CCDC71: variants seen among roughly 807,000 people sequenced by gnomAD.
CCDC71 encodes coiled-coil domain-containing protein 71.
For synonymous variants in CCDC71, 257 were observed against 242.2 expected (o/e 1.06, Z -0.57); for missense variants, 594 against 604.0 (o/e 0.98, Z 0.17).
chr3:49,163,709 G>A lies in CCDC71; in HGVS notation c.500C>T (p.Pro167Leu). Residue 167 changes from proline (P) to leucine (L), a missense_variant, in exon 2 of 2, where the codon CCA becomes CTA. Pro to Leu is a moderately conservative substitution (Grantham distance 98). Coordinates refer to ENST00000321895, the MANE Select transcript of CCDC71 (RefSeq NM_022903.4). ...AAVGFPTHLY[P>L]GVYPAMRLSV... ...GAGCCGCATGGCAGGGTAGACACCT[G>A]GATAAAGGTGGGTGGGGAAGCCCAC... 1 of 1,614,088 alleles carries A rather than the reference G, an allele frequency of 6.2e-7. No individual in the cohort carries two copies. Among genetic ancestry groups the A allele is most frequent in the Non-Finnish European group, 8.5e-7 (1 of 1,180,026 alleles).
chr3:49,163,298 G>A lies in CCDC71; in HGVS notation c.911C>T (p.Ala304Val), dbSNP rs758735503. The A allele has an allele frequency of 1.2e-6, 2 of 1,613,846 alleles. No individual in the cohort carries two copies. The highest frequency in any genetic ancestry group is 1.1e-5 in the South Asian group (1 of 91,074). ...RAQAKVARTQ[A>V]KAAKARAKAK... ...CTTGGCCCGGGCCTTAGCAGCCTTGGCCTGTGTTCGAGCCACCTTGGCTTG... is the reference window on the plus strand; with the variant it reads ...CTTGGCCCGGGCCTTAGCAGCCTTGACCTGTGTTCGAGCCACCTTGGCTTG... The change falls in exon 2 of 2, where the codon GCC (alanine) becomes GTC (valine). Residue 304 changes from alanine to valine, a missense_variant. Transcript: ENST00000321895.
chr3:49,165,424 C>T (rs1369193186), intron 1 of CCDC71, among the ~76,000 whole-genome samples: 1 of 152,230 alleles, frequency 6.6e-6, no homozygotes, highest in African/African-American at 2.4e-5. Flanking sequence ...ACTGAGGGTT[C>T]CCAGAAGCAA....
In CCDC71 at chr3:49,162,770, G is replaced by A; in HGVS notation, c.*35C>T. The stretch of plus-strand genomic sequence containing the variant: ...GTGCCACTAGCCACACAGACAGCTG[G>A]GCTTAGTTTCCCCAAACATTGCCGT... On this transcript the variant is annotated 3_prime_UTR_variant, in exon 2 of 2. Coordinates refer to ENST00000321895, the MANE Select transcript of CCDC71 (RefSeq NM_022903.4). The A allele has an allele frequency of 6.3e-7, 1 of 1,593,474 alleles. No individual in the cohort carries two copies. Among genetic ancestry groups the A allele is most frequent in the Non-Finnish European group, 8.6e-7 (1 of 1,168,114 alleles).
At position 49,162,690 on chromosome 3, in the gene CCDC71, C is replaced by G; in HGVS notation, c.*115G>C. On this transcript the variant is annotated 3_prime_UTR_variant, in exon 2 of 2. Coordinates refer to ENST00000321895, the MANE Select transcript of CCDC71 (RefSeq NM_022903.4). The stretch of plus-strand genomic sequence containing the variant: ...AAAGGAGGCTGGTGGTCACCAGGGC[C>G]CTAGAGAGGCACCGGGAGTCCTCAA... The G allele has an allele frequency of 1.2e-6, 1 of 869,018 alleles. No individual in the cohort carries two copies. 53.8% of individuals were successfully genotyped at this position (869,018 alleles called of 1,614,324 possible). A position where few individuals can be genotyped will look rare whatever the true frequency, so the allele number is the denominator to read the frequency against.
In CCDC71 at chr3:49,163,243, GGCCTTAGCCTTGACCTGTGCT is replaced by G. The variant is rs768066353; in HGVS notation, c.945_965del (p.Ala316_Ala322del). 6.4e-7 allele frequency: 1 copy of G among 1,571,428 alleles called. No individual in the cohort carries two copies. The highest frequency in any genetic ancestry group is 1.1e-5 in the South Asian group (1 of 87,800). On this transcript the variant is annotated inframe_deletion, in exon 2 of 2. Transcript: ENST00000321895. ...CCTTGACCTGTGCTGCCTTAGCTTT[GGCCTTAGCCTTGACCTGTGCT>G]GCCTTGGCCTTGGCCCGGGCCTTAG...
chr3:49,163,252 C>T lies in CCDC71; in HGVS notation c.957G>A (p.Lys319=). Residue 319 remains lysine (K), a synonymous_variant, in exon 2 of 2, where the codon AAG becomes AAA. Transcript: ENST00000321895. ...ARAKAKAAQV[K]AKAKAKAAQV... is the part of the protein sequence containing the mutation. ...GTGCTGCCTTAGCTTTGGCCTTAGCCTTGACCTGTGCTGCCTTGGCCTTGG... is the reference window on the plus strand; with the variant it reads ...GTGCTGCCTTAGCTTTGGCCTTAGCTTTGACCTGTGCTGCCTTGGCCTTGG... 1 of 1,574,332 alleles carries T rather than the reference C, an allele frequency of 6.4e-7. No homozygotes were observed. Among genetic ancestry groups the T allele is most frequent in the Non-Finnish European group, 8.7e-7 (1 of 1,150,322 alleles).
Position 49,166,126 on chromosome 3 carries a change from G to T in CCDC71, c.-53+141C>A, listed in dbSNP as rs1185099507. 9 of 120,660 alleles carry T rather than the reference G, an allele frequency of 7.5e-5. No homozygotes were observed. Among genetic ancestry groups the T allele is most frequent in the African/African-American group, 2.3e-4 (8 of 34,564 alleles). 7.5% of individuals were successfully genotyped at this position (120,660 alleles called of 1,614,324 possible). A position where few individuals can be genotyped will look rare whatever the true frequency, so the allele number is the denominator to read the frequency against. On this transcript the variant is annotated intron_variant, in intron 1 of 1. Coordinates refer to ENST00000321895, the MANE Select transcript of CCDC71 (RefSeq NM_022903.4). The surrounding 1 kb of genome is among the most constrained non-coding windows in gnomAD (Gnocchi z 4.0). The stretch of plus-strand genomic sequence containing the variant: ...CAGCCCCAGGGTGGGGTCGCTGGGC[G>T]CGGGGTGGGGGTGGGGTGGGGGGTC...
chr3:49,165,620 G>A (rs2045718708), intron 1 of CCDC71, among the ~76,000 whole-genome samples: 1 of 152,274 alleles, frequency 6.6e-6, no homozygotes, highest in South Asian at 2.1e-4. Context: ...ATCCTCAGGT[G>A]TCTTGGGCAC....
Position 49,163,225 on chromosome 3 carries a change from C to G in CCDC71, c.984G>C (p.Gln328His). ...CCATGACTTTGGCCTTGGCCTTGAC[C>G]TGTGCTGCCTTAGCTTTGGCCTTAG... ...VKAKAKAKAA[Q>H]VKAKAKVMAA... The change falls in exon 2 of 2, where the codon CAG (glutamine) becomes CAC (histidine). Residue 328 changes from glutamine to histidine, a missense_variant. By Grantham distance (24) the Gln-to-His change is conservative. Coordinates refer to ENST00000321895, the MANE Select transcript of CCDC71 (RefSeq NM_022903.4). The G allele has an allele frequency of 6.4e-7, 1 of 1,572,230 alleles. No individual in the cohort carries two copies. Among genetic ancestry groups the G allele is most frequent in the South Asian group, 1.1e-5 (1 of 87,916 alleles).
At chr3:49,165,875 C>A (rs959552033) in intron 1 of CCDC71, among the ~76,000 whole-genome samples, 6 of 152,222 alleles carry the variant, frequency 3.9e-5, no homozygotes, top group African/African-American at 1.4e-4. Flanking sequence ...GAAACAGAGG[C>A]TCCTGCCCGG....
chr3:49,163,511 C>T lies in CCDC71; in HGVS notation c.698G>A (p.Ser233Asn), dbSNP rs768087313. The T allele has an allele frequency of 1.2e-6, 2 of 1,614,234 alleles. No homozygotes were observed. The highest frequency in any genetic ancestry group is 1.1e-5 in the South Asian group (1 of 91,080). ...PRPKAPRKTT[S>N]KGPKCLTRKG... ...GCGAGTCAGACACTTGGGGCCCTTG[C>T]TTGTGGTTTTTCTGGGAGCTTTGGG... Residue 233 changes from serine to asparagine, a missense_variant, in exon 2 of 2, where the codon AGC (serine) becomes AAC (asparagine). Ser to Asn is a conservative substitution (Grantham distance 46). Coordinates refer to ENST00000321895, the MANE Select transcript of CCDC71 (RefSeq NM_022903.4).
In CCDC71 at chr3:49,162,956, G is replaced by A; in HGVS notation, c.1253C>T (p.Pro418Leu). The change falls in exon 2 of 2, where the codon CCT becomes CTT. Residue 418 changes from proline to leucine, a missense_variant. Pro to Leu is a moderately conservative substitution (Grantham distance 98). Transcript: ENST00000321895. The part of the protein sequence containing the change: ...GPRSPKAWLG[P>L]GTAKLLKFRA... ...GAACTTCAGCAGCTTTGCTGTTCCA[G>A]GCCCTAGCCATGCCTTAGGAGATCG... is the stretch of plus-strand genomic sequence containing the variant. 2.5e-6 allele frequency: 4 copies of A among 1,614,262 alleles called. No homozygotes were observed. In the South Asian group the frequency reaches 4.4e-5, roughly 18 times the overall value.
In CCDC71 at chr3:49,163,624, C is replaced by G; in HGVS notation, c.585G>C (p.Lys195Asn). 1 of 1,614,158 alleles carries G rather than the reference C, an allele frequency of 6.2e-7. No individual in the cohort carries two copies. The highest frequency in any genetic ancestry group is 8.5e-7 in the Non-Finnish European group (1 of 1,180,042). The change falls in exon 2 of 2, where the codon AAG (lysine) becomes AAC (asparagine). Residue 195 changes from lysine (K) to asparagine (N), a missense_variant. Physicochemically the swap from Lys to Asn is moderately conservative, Grantham distance 94. Coordinates refer to ENST00000321895, the MANE Select transcript of CCDC71 (RefSeq NM_022903.4). ...AGAGCTGCAGTGACTGTGCCTTGTG[C>G]TTGGCACCCAAGCAGGGCATGGGAG... ...LKTPMPCLGA[K>N]HKAQSLQLSL...
Position 49,163,503 on chromosome 3 carries a change from G to A in CCDC71, c.706C>T (p.Pro236Ser), listed in dbSNP as rs745679306. Reference protein sequence around the residue: ...KAPRKTTSKGPKCLTRKGPGA... With the variant: ...KAPRKTTSKGSKCLTRKGPGA... ...GGGCCTTTGCGAGTCAGACACTTGGGGCCCTTGCTTGTGGTTTTTCTGGGA... is the reference window on the plus strand; with the variant it reads ...GGGCCTTTGCGAGTCAGACACTTGGAGCCCTTGCTTGTGGTTTTTCTGGGA... Residue 236 changes from proline (P) to serine (S), a missense_variant, in exon 2 of 2, where the codon CCC becomes TCC. Coordinates refer to ENST00000321895, the MANE Select transcript of CCDC71 (RefSeq NM_022903.4). 6 of 1,614,220 alleles carry A rather than the reference G, an allele frequency of 3.7e-6. No homozygotes were observed. The highest frequency in any genetic ancestry group is 5.1e-6 in the Non-Finnish European group (6 of 1,180,034).
chr3:49,164,369 C>T, intron 1 of CCDC71, 109 bp from the exon 2 acceptor site: 1 of 677,950 alleles, frequency 1.5e-6, no homozygotes, highest in Admixed American at 2.9e-5. Flanking sequence ...AGGAATCTGG[C>T]CAGAGTGAGA....
Position 49,164,065 on chromosome 3 carries a change from A to G in CCDC71, c.144T>C (p.Leu48=). Residue 48 remains leucine (L), a synonymous_variant, in exon 2 of 2, where the codon CTT becomes CTC. Transcript: ENST00000321895. ...CTCGCAGGCCCTGCAGGAAGGCCAC[A>G]AGCTGGGCCTCTGTGGCACTGAGAT... ...SQDLSATEAQ[L]VAFLQGLRDD... is the part of the protein sequence containing the mutation. The G allele has an allele frequency of 6.2e-7, 1 of 1,614,126 alleles. No individual in the cohort carries two copies. Among genetic ancestry groups the G allele is most frequent in the Non-Finnish European group, 8.5e-7 (1 of 1,180,026 alleles).
rs1338989804 is a variant in CCDC71, at chr3:49,166,245, T to G, written c.-53+22A>C. ...GCGGGCCGCCCCTCCGCGGCGCGGCTAGGCCCGCGGCTCCAACCTACCGGC... is the reference window on the plus strand; with the variant it reads ...GCGGGCCGCCCCTCCGCGGCGCGGCGAGGCCCGCGGCTCCAACCTACCGGC... On this transcript the variant is annotated intron_variant, in intron 1 of 1. Coordinates refer to ENST00000321895, the MANE Select transcript of CCDC71 (RefSeq NM_022903.4). This position sits in a 1 kb window ranked among gnomAD's most constrained non-coding sequence, Gnocchi z 4.0. 1.3e-5 allele frequency: 2 copies of G among 151,986 alleles called. No homozygotes were observed. Among genetic ancestry groups the G allele is most frequent in the East Asian group, 3.9e-4 (2 of 5,142 alleles). 9.4% of individuals were successfully genotyped at this position (151,986 alleles called of 1,614,324 possible).
At chr3:49,164,303 A>T in intron 1 of CCDC71, 43 bp from the exon 2 acceptor site, 1 of 1,210,128 alleles carries the variant, frequency 8.3e-7, no homozygotes, top group Non-Finnish European at 1.2e-6. Context: ...TGGCACTAAG[A>T]CAAGGGGCCA....
rs1296574602 is a variant in CCDC71 at position 49,162,873 on chromosome 3, G to A, written c.1336C>T (p.Arg446Trp). ...GGTGACAGGTTCACGCGGAGGATCCGCTGAGCCCGCTGCCGCACCTCATCA... is the reference window on the plus strand; with the variant it reads ...GGTGACAGGTTCACGCGGAGGATCCACTGAGCCCGCTGCCGCACCTCATCA... ...SDDEVRQRAQ[R>W]ILRVNLSPVI... Residue 446 changes from arginine to tryptophan, a missense_variant, in exon 2 of 2, where the codon CGG becomes TGG. By Grantham distance (101) the Arg-to-Trp change is moderately radical (BLOSUM62 -3). Transcript: ENST00000321895. 2.5e-6 allele frequency: 4 copies of A among 1,613,976 alleles called. No individual in the cohort carries two copies. Among genetic ancestry groups the A allele is most frequent in the South Asian group, 2.2e-5 (2 of 91,088 alleles).
Sources: gnomAD v4.1 joint callset for allele counts (sites outside exome capture counted in the v4.1 genomes callset) on GRCh38, gnomAD v4.1.1 for gene constraint, Gnocchi (gnomAD v3.1) non-coding constraint, MANE v1.5 for transcripts, NCBI Gene and HGNC (gene_info 2026-07-23, HGNC 2026-07-21) for gene names.